The following GALNT9 variants were observed in gnomAD, a reference collection of about 807,000 sequenced individuals.
GALNT9 encodes polypeptide N-acetylgalactosaminyltransferase 9, also known as GalNAc transferase 9.
In GALNT9, 47 loss-of-function variants were observed where a neutral mutation model predicts 63.1. That is an observed-to-expected ratio of 0.75 (90% CI 0.59 to 0.95). The LOEUF is 0.95. Ranked by LOEUF, GALNT9 falls within the 40% of genes least tolerant of loss-of-function variation. The pLI is 0.00. For synonymous variants in GALNT9, 396 were observed against 365.7 expected, an observed-to-expected ratio of 1.08 and a Z score of -0.94; for missense variants, 829 against 874.8, an observed-to-expected ratio of 0.95 and a Z score of 0.66.
At position 132,316,504 on chromosome 12, in the gene GALNT9, G is replaced by A. The variant is rs1195921845; in HGVS notation, c.238+12462C>T. ...GCTTCCTTCCTCCCTGGGAAACGGA[G>A]AATCAGGAGCACCCGAGCTTCCCAC... On this transcript the variant is annotated intron_variant, in intron 1 of 10. Coordinates refer to ENST00000328957, the MANE Select transcript of GALNT9 (RefSeq NM_001122636.2). This position sits in a 1 kb window ranked among gnomAD's most constrained non-coding sequence, Gnocchi z 4.3. Among the ~76,000 whole-genome samples the A allele has an allele frequency of 6.6e-6, 1 of 152,076 alleles. No homozygotes were observed. Among genetic ancestry groups the A allele is most frequent in the Admixed American group, 6.5e-5 (1 of 15,270 alleles).
chr12:132,240,336 T>C (rs1214229471), intron 6 of GALNT9, among the ~76,000 whole-genome samples: 2 of 152,068 alleles, frequency 1.3e-5, no homozygotes, highest in East Asian at 1.9e-4. Context: ...GCCGGCAGAC[T>C]CCAGGGCTGC....
At chr12:132,324,349 C>G (rs892310326) in intron 1 of GALNT9, among the ~76,000 whole-genome samples, 11 of 152,234 alleles carry the variant, frequency 7.2e-5, no homozygotes, top group Admixed American at 2.0e-4. Context: ...TTCCGCACGA[C>G]CCCGCGCGCT....
intron 6 of GALNT9, among the ~76,000 whole-genome samples, chr12:132,221,957 C>T (rs1302949256): frequency 2.6e-5 from 4 of 152,114 alleles, no homozygotes; most frequent in Non-Finnish European, 4.4e-5. Context: ...CAGGTTTAAT[C>T]GCTAGACATG....
intron 1 of GALNT9, among the ~76,000 whole-genome samples, chr12:132,324,214 C>T (rs1593127116): frequency 6.6e-6 from 1 of 152,230 alleles, no homozygotes; most frequent in African/African-American, 2.4e-5. Context: ...ACCTGACACC[C>T]TCCGGAGCTC....
In GALNT9 at chr12:132,197,781, C is replaced by T. The variant is rs763150700; in HGVS notation, c.1665+11G>A. ...CCCCAACCCCACGGCCCCCCTTCCC[C>T]AGAGGCTGACCTGGGTGAAGTCCCA... On this transcript the variant is annotated intron_variant, in intron 10 of 10. Coordinates refer to ENST00000328957, the MANE Select transcript of GALNT9 (RefSeq NM_001122636.2). The T allele has an allele frequency of 5.8e-6, 9 of 1,547,374 alleles. No individual in the cohort carries two copies. The highest frequency in any genetic ancestry group is 1.9e-4 in the Middle Eastern group (1 of 5,304).
At chr12:132,197,548 A>ATCCCCTTCCTAAATCCTCCCTCTACCCT (rs1875604745) in intron 10 of GALNT9, among the ~76,000 whole-genome samples, 2 of 148,758 alleles carry the variant, frequency 1.3e-5, no homozygotes, top group African/African-American at 5.2e-5. Context: ...AGGCAGATGC[A>ATCCCCTTCCTAAATCCTCCCTCTACCCT]GGGCTATGAT....
intron 6 of GALNT9, among the ~76,000 whole-genome samples, chr12:132,239,524 TGA>T (rs1298549088): frequency 1.5e-5 from 1 of 65,444 alleles, no homozygotes; most frequent in Non-Finnish European, 3.3e-5. Flanking sequence ...ACTGAGAGAC[TGA>T]GATACAGAGA....
chr12:132,220,799 G>A (rs969975901), intron 6 of GALNT9, among the ~76,000 whole-genome samples: 1 of 152,224 alleles, frequency 6.6e-6, no homozygotes, highest in African/African-American at 2.4e-5. Context: ...CCTCACACCT[G>A]TAATCCCAGC....
chr12:132,210,629 G>A (rs897035396), intron 6 of GALNT9, among the ~76,000 whole-genome samples: 6 of 152,192 alleles, frequency 3.9e-5, no homozygotes, highest in Admixed American at 3.9e-4. Context: ...CTTGAGGCCC[G>A]AGCCCCGTCC....
rs1048293999 is a variant in GALNT9 at position 132,316,379 on chromosome 12, G to A, written c.238+12587C>T. Among the ~76,000 whole-genome samples the A allele has an allele frequency of 6.6e-6, 1 of 152,024 alleles. No homozygotes were observed. Among genetic ancestry groups the A allele is most frequent in the African/African-American group, 2.4e-5 (1 of 41,360 alleles). On this transcript the variant is annotated intron_variant, in intron 1 of 10. Coordinates refer to ENST00000328957, the MANE Select transcript of GALNT9 (RefSeq NM_001122636.2). The surrounding 1 kb of genome is among the most constrained non-coding windows in gnomAD (Gnocchi z 4.3). Reference sequence around the variant, plus strand: ...GAGGAAACAGAGATCCCCTATAACCGAGCATATACTTCCTTTAAAAATCTA... The same window carrying A: ...GAGGAAACAGAGATCCCCTATAACCAAGCATATACTTCCTTTAAAAATCTA...
chr12:132,267,066 G>A (rs540001528), intron 2 of GALNT9, among the ~76,000 whole-genome samples: 6 of 152,316 alleles, frequency 3.9e-5, no homozygotes, highest in South Asian at 4.2e-4. Flanking sequence ...CTCTCTCCCC[G>A]AGGAGCAGTG....
Position 132,329,095 on chromosome 12 carries a change from G to A in GALNT9, c.109C>T (p.Leu37Phe). The A allele has an allele frequency of 6.5e-7, 1 of 1,548,954 alleles. No individual in the cohort carries two copies. Among genetic ancestry groups the A allele is most frequent in the Non-Finnish European group, 8.7e-7 (1 of 1,146,502 alleles). Residue 37 changes from leucine to phenylalanine, a missense_variant, in exon 1 of 11, where the codon CTC becomes TTC. Leu to Phe is a conservative substitution (Grantham distance 22). Coordinates refer to ENST00000328957, the MANE Select transcript of GALNT9 (RefSeq NM_001122636.2). ...YCRLQGRSQE[L>F]VRIVSGDRRV... is the part of the protein sequence containing the mutation. The stretch of plus-strand genomic sequence containing the variant: ...CGGTCGCCGCTCACGATGCGCACGA[G>A]CTCCTGGGAGCGGCCCTGCAGGCGG...
intron 1 of GALNT9, among the ~76,000 whole-genome samples, chr12:132,290,649 A>C (rs374309512): frequency 9.5e-6 from 1 of 105,580 alleles, no homozygotes; most frequent in Non-Finnish European, 1.8e-5. Flanking sequence ...CACCACCCAC[A>C]TCCACAGCGC....
intron 1 of GALNT9, among the ~76,000 whole-genome samples, chr12:132,298,627 A>C (rs1248245553): frequency 6.6e-6 from 1 of 151,206 alleles, no homozygotes; most frequent in Non-Finnish European, 1.5e-5. Context: ...CCCTGAGATA[A>C]CCAAGCCACT....
chr12:132,295,518 G>A (rs1261973796), intron 1 of GALNT9, among the ~76,000 whole-genome samples: 1 of 152,230 alleles, frequency 6.6e-6, no homozygotes, highest in African/African-American at 2.4e-5. Flanking sequence ...AGCCAAACAT[G>A]GTATGTCCTT....
Position 132,286,134 on chromosome 12 carries a change from C to T in GALNT9, c.419+116G>A, listed in dbSNP as rs1256152032. The stretch of plus-strand genomic sequence containing the variant: ...GGGGGGCGGTCACTTCCCTGGCGGG[C>T]GTGGGGGCCGCTCACTTCCCCGGCC... On this transcript the variant is annotated intron_variant, in intron 2 of 10. Coordinates refer to ENST00000328957, the MANE Select transcript of GALNT9 (RefSeq NM_001122636.2). The surrounding 1 kb of genome is among the most constrained non-coding windows in gnomAD (Gnocchi z 7.4). 6.7e-6 allele frequency: 8 copies of T among 1,187,212 alleles called. No homozygotes were observed. The highest frequency in any genetic ancestry group is 6.1e-5 in the Admixed American group (2 of 32,642). 73.5% of individuals were successfully genotyped at this position (1,187,212 alleles called of 1,614,324 possible). A position where few individuals can be genotyped will look rare whatever the true frequency, so the allele number is the denominator to read the frequency against.
At chr12:132,324,364 C>T (rs1324290441) in intron 1 of GALNT9, among the ~76,000 whole-genome samples, 2 of 152,200 alleles carry the variant, frequency 1.3e-5, no homozygotes, top group Non-Finnish European at 2.9e-5. Flanking sequence ...CGCGCTCCGA[C>T]GGCGCTGTCT....
chr12:132,244,973 AGAGAGGTCAGGGGGAGAGGTCGGGG>A (rs1483215598), intron 6 of GALNT9, among the ~76,000 whole-genome samples: 3 of 148,526 alleles, frequency 2.0e-5, no homozygotes, highest in African/African-American at 7.5e-5. Context: ...CCAGGACGGG[AGAGAGGTCAGGGGGAGAGGTCGGGG>A]GAGAGGTGGC....
Position 132,197,933 on chromosome 12 carries a change from C to G in GALNT9, c.1524G>C (p.Leu508=). 3 of 1,611,378 alleles carry G rather than the reference C, an allele frequency of 1.9e-6. No individual in the cohort carries two copies. The highest frequency in any genetic ancestry group is 4.5e-5 in the East Asian group (2 of 44,822). ...SQLVRYSADG[L]LQLGPLGSTA... ...TGGAGCCCAGAGGCCCCAGCTGCAG[C>G]AGTCCATCAGCGCTGTACCGCACCA... is the stretch of plus-strand genomic sequence containing the variant. Residue 508 remains leucine (L), a synonymous_variant, in exon 10 of 11, where the codon CTG becomes CTC. Transcript: ENST00000328957.
Sources: gnomAD v4.1 joint callset for allele counts (sites outside exome capture counted in the v4.1 genomes callset) on GRCh38, gnomAD v4.1.1 for gene constraint, Gnocchi (gnomAD v3.1) non-coding constraint, MANE v1.5 for transcripts, NCBI Gene and HGNC (gene_info 2026-07-23, HGNC 2026-07-21) for gene names.